The following FHIT variants were observed in gnomAD, a reference collection of about 807,000 sequenced individuals.
FHIT encodes the protein fragile histidine triad diadenosine triphosphatase.
A neutral mutation model predicts 17.9 loss-of-function variants in FHIT; 19 were observed. That is an observed-to-expected ratio of 1.06 (90% confidence interval 0.74 to 1.56). The LOEUF is 1.56. Among genes scored for constraint, FHIT ranks in the 40% most tolerant of loss-of-function variants. FHIT has a pLI of 0.00. For missense variants in FHIT, 248 were observed against 189.2 expected (o/e 1.31, Z -1.82); for synonymous variants, 81 against 69.7 (o/e 1.16, Z -0.81).
rs182215255 is a variant in FHIT at position 60,177,886 on chromosome 3, G to C, written c.104-163734C>G. Among the ~76,000 whole-genome samples, 398 of 152,304 alleles carry C rather than the reference G, an allele frequency of 2.6e-3. 2 individuals are homozygous for C. Among genetic ancestry groups the C allele is most frequent in the African/African-American group, 9.0e-3 (375 of 41,554 alleles). ...TGGACTGGGTCAGTGCTGTGAATCT[G>C]AGAGGAGATAATGTACTTCAAGTCC... On this transcript the variant is annotated intron_variant, in intron 5 of 9. Coordinates refer to ENST00000492590, the MANE Select transcript of FHIT (RefSeq NM_002012.4).
At chr3:60,870,525 T>A (rs1704368303) in intron 3 of FHIT, among the ~76,000 whole-genome samples, 1 of 152,128 alleles carries the variant, frequency 6.6e-6, no homozygotes, top group African/African-American at 2.4e-5. Flanking sequence ...GAGTTTCAGT[T>A]CCACAGGCAA....
chr3:60,831,656 G>A (rs1312396320), intron 3 of FHIT, among the ~76,000 whole-genome samples: 2 of 150,428 alleles, frequency 1.3e-5, no homozygotes, highest in African/African-American at 5.0e-5. Context: ...CACTTAGTAT[G>A]CCAATAACTT....
chr3:60,114,647 C>T (rs1299530913), intron 5 of FHIT, among the ~76,000 whole-genome samples: 2 of 151,696 alleles, frequency 1.3e-5, no homozygotes, highest in East Asian at 3.9e-4. Flanking sequence ...GTTCATGCCA[C>T]CAAGTCCAGC....
chr3:60,742,393 G>A (rs1298891833), intron 4 of FHIT, among the ~76,000 whole-genome samples: 1 of 152,124 alleles, frequency 6.6e-6, no homozygotes, highest in African/African-American at 2.4e-5. Flanking sequence ...CAGGGGAAGA[G>A]CATGTTCAGT....
chr3:60,506,209 G>A (rs1170822465), intron 5 of FHIT, among the ~76,000 whole-genome samples: 6 of 152,126 alleles, frequency 3.9e-5, no homozygotes, highest in Non-Finnish European at 8.8e-5. Flanking sequence ...CACAAACACT[G>A]GTTACATAGC....
intron 7 of FHIT, among the ~76,000 whole-genome samples, chr3:59,999,366 G>A (rs1382746845): frequency 3.3e-5 from 5 of 152,098 alleles, no homozygotes; most frequent in African/African-American, 4.8e-5. Flanking sequence ...GTGTGGTCAC[G>A]CACTAGAGGG....
intron 8 of FHIT, among the ~76,000 whole-genome samples, chr3:59,823,585 T>TA (rs534066029): frequency 0.021 from 3,206 of 149,608 alleles, 114 homozygotes; most frequent in African/African-American, 0.074. Flanking sequence ...AAAACAGAAT[T>TA]AAAAAAAAAA....
At chr3:61,022,088 T>C (rs570557337) in intron 3 of FHIT, among the ~76,000 whole-genome samples, 4 of 151,916 alleles carry the variant, frequency 2.6e-5, no homozygotes, top group Non-Finnish European at 5.9e-5. Flanking sequence ...ACAAAATAGA[T>C]AGACTGCTAG....
intron 3 of FHIT, among the ~76,000 whole-genome samples, chr3:61,032,903 C>T (rs1157402982): frequency 6.6e-6 from 1 of 152,210 alleles, no homozygotes; most frequent in African/African-American, 2.4e-5. Flanking sequence ...AGCCCAGGGG[C>T]CTGTGAACCA....
intron 8 of FHIT, among the ~76,000 whole-genome samples, chr3:59,866,155 A>G (rs1019727359): frequency 2.6e-5 from 4 of 152,180 alleles, no homozygotes; most frequent in African/African-American, 9.7e-5. Flanking sequence ...AGTAAGGGCC[A>G]CTTGCAGAGA....
intron 3 of FHIT, among the ~76,000 whole-genome samples, chr3:60,895,660 T>C (rs1180217069): frequency 7.3e-6 from 1 of 137,812 alleles, no homozygotes; most frequent in Non-Finnish European, 1.5e-5. Context: ...CCTCCTTCCT[T>C]CCTTCCTTTC....
chr3:60,113,231 G>C (rs77881702), intron 5 of FHIT, among the ~76,000 whole-genome samples: 4,446 of 152,222 alleles, frequency 0.029, 217 homozygotes, highest in African/African-American at 0.1. Flanking sequence ...TAAGGATCCT[G>C]TCTTTTTCAC....
At chr3:60,834,301 A>C (rs540388162) in intron 3 of FHIT, among the ~76,000 whole-genome samples, 2 of 152,272 alleles carry the variant, frequency 1.3e-5, no homozygotes, top group Admixed American at 6.5e-5. Context: ...AGTTATTTCA[A>C]TATGTTCATA....
chr3:60,899,327 A>G (rs1433683047), intron 3 of FHIT, among the ~76,000 whole-genome samples: 2 of 152,178 alleles, frequency 1.3e-5, no homozygotes, highest in African/African-American at 2.4e-5. Context: ...TGAAATTAAT[A>G]TTGCCTTTTG....
At chr3:61,095,803 G>C (rs548397892) in intron 2 of FHIT, among the ~76,000 whole-genome samples, 20 of 152,348 alleles carry the variant, frequency 1.3e-4, no homozygotes, top group Non-Finnish European at 2.6e-4. Flanking sequence ...GCAAGGCAGA[G>C]AGCCTGGCCT....
intron 5 of FHIT, among the ~76,000 whole-genome samples, chr3:60,158,537 C>G (rs903421842): frequency 6.6e-6 from 1 of 152,096 alleles, no homozygotes; most frequent in Non-Finnish European, 1.5e-5. Flanking sequence ...GTCTCAAACT[C>G]CTGACCTCAG....
chr3:60,616,828 C>G (rs1356052096), intron 4 of FHIT: 1 of 152,206 alleles, frequency 6.6e-6, no homozygotes, highest in Non-Finnish European at 1.5e-5. Context: ...CGGCACACAG[C>G]ATTCCGAAAG....
At chr3:60,232,822 C>T (rs1411186381) in intron 5 of FHIT, among the ~76,000 whole-genome samples, 1 of 152,184 alleles carries the variant, frequency 6.6e-6, no homozygotes, top group Non-Finnish European at 1.5e-5. Context: ...ACAGAGAGCT[C>T]ATTTTAAAGC....
At chr3:60,883,339 A>G (rs73095245) in intron 3 of FHIT, among the ~76,000 whole-genome samples, 8,345 of 152,256 alleles carry the variant, frequency 0.055, 274 homozygotes, top group South Asian at 0.11. Context: ...AAATACCAAT[A>G]TCATTCTTCA....
Sources: gnomAD v4.1 joint callset for allele counts (sites outside exome capture counted in the v4.1 genomes callset) on GRCh38, gnomAD v4.1.1 for gene constraint, MANE v1.5 for transcripts, NCBI Gene and HGNC (gene_info 2026-07-23, HGNC 2026-07-21) for gene names.